The following KCNG2 variants were observed in gnomAD, a reference collection of about 807,000 sequenced individuals.
The protein encoded by KCNG2 is potassium voltage-gated channel modifier subfamily G member 2, also known as voltage-gated potassium channel regulatory subunit KCNG2.
In KCNG2, 7 loss-of-function variants were observed where a neutral mutation model predicts 12.3. The ratio of observed to expected loss-of-function variants is 0.57; its 90% CI spans 0.32 to 1.07. KCNG2 has a LOEUF of 1.07. Among genes scored for constraint, KCNG2 ranks in the 50% least tolerant of loss-of-function variants. The probability of loss-of-function intolerance (pLI) is 0.04; values close to 1 mark genes in which losing one functional copy is unlikely to be tolerated. For synonymous variants in KCNG2, 414 were observed against 351.4 expected, an observed-to-expected ratio of 1.18 and a Z score of -1.99; for missense variants, 703 against 726.0, an observed-to-expected ratio of 0.97 and a Z score of 0.36.
At chr18:79,887,163 G>A (rs539418859) in intron 3 of KCNG2, among the ~76,000 whole-genome samples, 45 of 142,420 alleles carry the variant, frequency 3.2e-4, no homozygotes, top group Middle Eastern at 3.5e-3. Context: ...GGGACAGAGG[G>A]ACAAGGACAC....
At chr18:79,864,509 C>G (rs1279578159) in intron 3 of KCNG2, among the ~76,000 whole-genome samples, 1 of 152,200 alleles carries the variant, frequency 6.6e-6, no homozygotes, top group Non-Finnish European at 1.5e-5. Flanking sequence ...ACCTCCACCC[C>G]CAGCGGGAGA....
intron 3 of KCNG2, among the ~76,000 whole-genome samples, chr18:79,868,029 C>T (rs1599411305): frequency 6.6e-6 from 1 of 152,230 alleles, no homozygotes; most frequent in Admixed American, 6.5e-5. Context: ...CCCGTCGTCC[C>T]CATGAGGTCC....
intron 1 of KCNG2, among the ~76,000 whole-genome samples, chr18:79,813,443 A>T (rs2087506816): frequency 6.6e-6 from 1 of 152,204 alleles, no homozygotes; most frequent in Non-Finnish European, 1.5e-5. Context: ...CTCCCAGAAA[A>T]CTAGAATTAG....
At chr18:79,837,939 A>G (rs1978351580) in intron 1 of KCNG2, among the ~76,000 whole-genome samples, 1 of 152,238 alleles carries the variant, frequency 6.6e-6, no homozygotes, top group African/African-American at 2.4e-5. Context: ...TTTATGAAGA[A>G]AAAAGGTTTA....
rs571721127 is a variant in KCNG2 at position 79,803,827 on chromosome 18, T to C, written c.-115+5813T>C. 2.6e-5 allele frequency among the ~76,000 whole-genome samples: 4 copies of C among 152,216 alleles called. No individual in the cohort carries two copies. In the South Asian group the frequency reaches 8.3e-4, roughly 32 times the overall value. On this transcript the variant is annotated intron_variant, in intron 1 of 3. Transcript: ENST00000316249. The surrounding 1 kb of genome is among the most constrained non-coding windows in gnomAD (Gnocchi z 4.5). ...TGCCTGAGACTGGGCTGCCTCCAAGTTTCTCCTCACTGTGATGGCCCCGGG... is the reference window on the plus strand; with the variant it reads ...TGCCTGAGACTGGGCTGCCTCCAAGCTTCTCCTCACTGTGATGGCCCCGGG...
intron 3 of KCNG2, among the ~76,000 whole-genome samples, chr18:79,891,096 CTTTAAGT>C (rs942708975): frequency 6.6e-6 from 1 of 152,068 alleles, no homozygotes; most frequent in African/African-American, 2.4e-5. Context: ...CCCCCACCTG[CTTTAAGT>C]TTTATTTACT....
At chr18:79,798,471 G>C (rs990584268) in intron 1 of KCNG2, among the ~76,000 whole-genome samples, 7 of 152,164 alleles carry the variant, frequency 4.6e-5, no homozygotes, top group African/African-American at 1.7e-4. Flanking sequence ...GGTTGGGGGC[G>C]CACCCGGCTC....
chr18:79,878,948 A>T (rs963546286), intron 3 of KCNG2, among the ~76,000 whole-genome samples: 2 of 152,242 alleles, frequency 1.3e-5, no homozygotes, highest in Admixed American at 6.5e-5. Context: ...AATGGGAGAA[A>T]CTGGGGCTGG....
chr18:79,876,925 C>T (rs111762019), intron 3 of KCNG2, among the ~76,000 whole-genome samples: 263 of 152,290 alleles, frequency 1.7e-3, no homozygotes, highest in African/African-American at 6.1e-3. Context: ...GACAGAATGC[C>T]GAGGGGAAGC....
chr18:79,820,106 C>T (rs1253801696), intron 1 of KCNG2, among the ~76,000 whole-genome samples: 1 of 152,244 alleles, frequency 6.6e-6, no homozygotes, highest in Non-Finnish European at 1.5e-5. Context: ...GTACCCCACA[C>T]TGTGTGCGTC....
At chr18:79,820,245 T>C (rs1227452873) in intron 1 of KCNG2, among the ~76,000 whole-genome samples, 1 of 152,218 alleles carries the variant, frequency 6.6e-6, no homozygotes, top group African/African-American at 2.4e-5. Flanking sequence ...TTTTGGCTAA[T>C]GGGGCTGATG....
chr18:79,877,703 C>T (rs1433177913), intron 3 of KCNG2, among the ~76,000 whole-genome samples: 2 of 152,180 alleles, frequency 1.3e-5, no homozygotes, highest in African/African-American at 2.4e-5. Flanking sequence ...TCTGGAGCCT[C>T]GGTCGGGGTG....
Position 79,800,631 on chromosome 18 carries a change from C to G in KCNG2, c.-115+2617C>G, listed in dbSNP as rs2087401714. Among the ~76,000 whole-genome samples the G allele has an allele frequency of 1.3e-5, 2 of 152,252 alleles. No homozygotes were observed. The highest frequency in any genetic ancestry group is 4.8e-5 in the African/African-American group (2 of 41,474). On this transcript the variant is annotated intron_variant, in intron 1 of 3. Coordinates refer to ENST00000316249, the MANE Select transcript of KCNG2 (RefSeq NM_012283.2). This position sits in a 1 kb window ranked among gnomAD's most constrained non-coding sequence, Gnocchi z 4.0. ...CCTTGCTGGTGTCGGAGAAACAGCA[C>G]TGGCTCCTTCACAGCCGCGGCTTTC...
At chr18:79,832,044 C>G (rs569518513) in intron 1 of KCNG2, among the ~76,000 whole-genome samples, 2 of 152,314 alleles carry the variant, frequency 1.3e-5, no homozygotes, top group South Asian at 4.1e-4. Flanking sequence ...CTAGGCACCC[C>G]CGGGCAGAGC....
intron 3 of KCNG2, among the ~76,000 whole-genome samples, chr18:79,869,031 G>A (rs1354133634): frequency 6.6e-6 from 1 of 152,204 alleles, no homozygotes; most frequent in East Asian, 1.9e-4. Context: ...AGGGTTTCCC[G>A]CACGCACTGT....
At chr18:79,873,296 G>C (rs1979925467) in intron 3 of KCNG2, among the ~76,000 whole-genome samples, 1 of 152,114 alleles carries the variant, frequency 6.6e-6, no homozygotes, top group African/African-American at 2.4e-5. Context: ...TTCCCAGGCT[G>C]TTGTTTTTCT....
At chr18:79,815,000 G>T (rs1007045861) in intron 1 of KCNG2, among the ~76,000 whole-genome samples, 1 of 151,730 alleles carries the variant, frequency 6.6e-6, no homozygotes, top group African/African-American at 2.4e-5. Flanking sequence ...TCTTCCCAGA[G>T]AAAATGAATT....
At chr18:79,853,312 G>A (rs1013826182) in intron 1 of KCNG2, among the ~76,000 whole-genome samples, 1 of 152,350 alleles carries the variant, frequency 6.6e-6, no homozygotes, top group Non-Finnish European at 1.5e-5. Flanking sequence ...ACCAAGTGGT[G>A]CAGGTGAGTC....
chr18:79,815,411 G>A (rs988605409), intron 1 of KCNG2, among the ~76,000 whole-genome samples: 1 of 143,972 alleles, frequency 6.9e-6, no homozygotes, highest in Non-Finnish European at 1.5e-5. Context: ...CTGCACTCCA[G>A]TCCCAGGATG....
Sources: allele counts gnomAD v4.1 joint callset (sites outside exome capture counted in the v4.1 genomes callset), GRCh38; gene constraint gnomAD v4.1.1; non-coding constraint Gnocchi (gnomAD v3.1); transcripts MANE v1.5; gene names NCBI Gene and HGNC (gene_info 2026-07-23, HGNC 2026-07-21).